The following RAD9A variants were observed in gnomAD, a reference collection of about 807,000 sequenced individuals.
The protein encoded by RAD9A is RAD9 checkpoint clamp component A, also known as cell cycle checkpoint control protein RAD9A.
RAD9A carries 25 observed loss-of-function variants against 41.2 expected under a neutral mutation model. The ratio of observed to expected loss-of-function variants is 0.61; its 90% CI spans 0.44 to 0.85. The LOEUF (loss-of-function observed/expected upper bound fraction) is 0.85, where lower values mean the gene tolerates loss of function less well. Among genes scored for constraint, RAD9A ranks in the 40% least tolerant of loss-of-function variants. The pLI, the probability that RAD9A is intolerant of heterozygous loss-of-function variation, is 0.00. For missense variants in RAD9A, 514 were observed against 518.3 expected (o/e 0.99, Z 0.08); for synonymous variants, 252 against 210.6 (o/e 1.20, Z -1.70).
intron 2 of RAD9A, 31 bp downstream of exon 2, chr11:67,392,262 G>GGGGCTGGGGGGGGGGGGGGGGGGGGC: frequency 1.7e-5 from 10 of 600,762 alleles, no homozygotes; most frequent in East Asian, 4.3e-5. Context: ...GGGCGGGTGG[G>GGGGCTGGGGGGGGGGGGGGGGGGGGC]ACTCCAGCCG....
At position 67,396,941 on chromosome 11, in the gene RAD9A, C is replaced by G. The variant is rs543783290; in HGVS notation, c.873-238C>G. The stretch of plus-strand genomic sequence containing the variant: ...CCCTCCTAGCTGAGCTAAGGTAGCC[C>G]CCGGGATGCCTCCCTCAGGCCCCTA... On this transcript the variant is annotated intron_variant, in intron 9 of 10. Coordinates refer to ENST00000307980, the MANE Select transcript of RAD9A (RefSeq NM_004584.3). 2.1e-4 allele frequency among the ~76,000 whole-genome samples: 32 copies of G among 152,318 alleles called. No individual in the cohort carries two copies. The East Asian group carries it at 6.2e-3, about 29-fold the overall frequency.
rs763727928 is a variant in RAD9A, at chr11:67,392,790, C to T, written c.234+8C>T. 6.2e-7 allele frequency: 1 copy of T among 1,613,704 alleles called. No homozygotes were observed. Among genetic ancestry groups the T allele is most frequent in the Non-Finnish European group, 8.5e-7 (1 of 1,179,872 alleles). ...TGTAAGATCCTGATGAAGGTGAGGC[C>T]CTTCCCTCAGCAGTGGCACTACTCC... On this transcript the variant is annotated splice_region_variant and intron_variant, in intron 3 of 10. Coordinates refer to ENST00000307980, the MANE Select transcript of RAD9A (RefSeq NM_004584.3).
At position 67,392,137 on chromosome 11, in the gene RAD9A, C is replaced by T. The variant is rs3764878; in HGVS notation, c.35-24C>T. The T allele has an allele frequency of 5.1e-4, 814 of 1,611,242 alleles. 4 individuals carry two copies. The East Asian group carries it at 0.016, about 32-fold the overall frequency. On this transcript the variant is annotated intron_variant, in intron 1 of 10. Coordinates refer to ENST00000307980, the MANE Select transcript of RAD9A (RefSeq NM_004584.3). ...GCAGCCGCGGAGCCGCCAGCCTAAC[C>T]CCCTTCCGCTCTTCTCCCCGCAGTG... is the stretch of plus-strand genomic sequence containing the variant.
rs886626261 is a variant in RAD9A, at chr11:67,392,063, G to C, written c.19G>C (p.Gly7Arg). 3 of 1,584,562 alleles carry C rather than the reference G, an allele frequency of 1.9e-6. No individual in the cohort carries two copies. The African/African-American group carries it at 4.0e-5, about 21-fold the overall frequency. Residue 7 changes from glycine (G) to arginine (R), a missense_variant, in exon 1 of 11, where the codon GGC becomes CGC. Gly to Arg is a moderately radical substitution (Grantham distance 125). This residue lies in a region of RAD9A where 268 missense variants were observed against 279.3 expected (regional missense o/e 0.96). Coordinates refer to ENST00000307980, the MANE Select transcript of RAD9A (RefSeq NM_004584.3). MKCLVT[G>R]GNVKVLGKAV... Reference sequence around the variant, plus strand: ...GGGCAGCATGAAGTGCCTGGTCACGGGCGGCAACGTGAAGGGTGAGTGCAG... The same window carrying C: ...GGGCAGCATGAAGTGCCTGGTCACGCGCGGCAACGTGAAGGGTGAGTGCAG...
Position 67,392,648 on chromosome 11 carries a change from G to A in RAD9A, c.106-6G>A. On this transcript the variant is annotated splice_polypyrimidine_tract_variant and splice_region_variant and intron_variant, in intron 2 of 10. Coordinates refer to ENST00000307980, the MANE Select transcript of RAD9A (RefSeq NM_004584.3). ...CACGTCCCTCTCCCTGCTCTTCGTG[G>A]CCCAGCTCTCCCTCCGGACGGTGAA... is the stretch of plus-strand genomic sequence containing the variant. 6.2e-7 allele frequency: 1 copy of A among 1,613,284 alleles called. No individual in the cohort carries two copies. Among genetic ancestry groups the A allele is most frequent in the Non-Finnish European group, 8.5e-7 (1 of 1,179,930 alleles).
rs1862754421 is a variant in RAD9A, at chr11:67,397,628, GTC to G, written c.*74_*75del. 1 of 1,379,628 alleles carries G rather than the reference GTC, an allele frequency of 7.2e-7. No individual in the cohort carries two copies. Among genetic ancestry groups the G allele is most frequent in the Admixed American group, 2.0e-5 (1 of 49,622 alleles). The allele number at this position is 1,379,628 out of a possible 1,614,324, so 85.5% of individuals were successfully genotyped here. ...AAGCCCCAGCCAGTGGCAGAACTGG[GTC>G]TCTCAGCCCTGGGGATCAGAAAGGT... On this transcript the variant is annotated 3_prime_UTR_variant, in exon 11 of 11. Coordinates refer to ENST00000307980, the MANE Select transcript of RAD9A (RefSeq NM_004584.3).
In RAD9A at chr11:67,397,574, G is replaced by A; in HGVS notation, c.*15G>A. 6.3e-7 allele frequency: 1 copy of A among 1,576,932 alleles called. No individual in the cohort carries two copies. Among genetic ancestry groups the A allele is most frequent in the Non-Finnish European group, 8.7e-7 (1 of 1,149,608 alleles). ...GTGAAGGCTGAACCAAGAACCTGAA[G>A]CCTGTACCCAGAGGCCTTGGACTAG... On this transcript the variant is annotated 3_prime_UTR_variant, in exon 11 of 11. Transcript: ENST00000307980.
rs910286356 is a variant in RAD9A at position 67,396,026 on chromosome 11, G to T, written c.669+5G>T. 6.2e-7 allele frequency: 1 copy of T among 1,614,002 alleles called. No individual in the cohort carries two copies. The highest frequency in any genetic ancestry group is 8.5e-7 in the Non-Finnish European group (1 of 1,180,012). On this transcript the variant is annotated splice_donor_5th_base_variant and intron_variant, in intron 7 of 10. Coordinates refer to ENST00000307980, the MANE Select transcript of RAD9A (RefSeq NM_004584.3). ...TTCTGCCTCAAGGAATTCCGGGTGA[G>T]GTTCCTCCCAGGCGCTCGCCGTCCT...
rs760250435 is a variant in RAD9A, at chr11:67,397,291, C to T, written c.985C>T (p.Pro329Ser). The T allele has an allele frequency of 7.2e-5, 115 of 1,603,462 alleles. No homozygotes were observed. The Admixed American group carries it at 1.0e-3, about 14-fold the overall frequency. Residue 329 changes from proline (P) to serine (S), a missense_variant, in exon 10 of 11, where the codon CCT (proline) becomes TCT (serine). This residue lies in a region of RAD9A where 216 missense variants were observed against 184.2 expected (regional missense o/e 1.17). Transcript: ENST00000307980. The stretch of plus-strand genomic sequence containing the variant: ...GGTGCTGCCCTCCATTTCCCTTTCA[C>T]CTGGCCCCCAGCCCCCCAAGAGCCC... The part of the protein sequence containing the change: ...SRVLPSISLS[P>S]GPQPPKSPGP...
chr11:67,397,503 C>T lies in RAD9A; in HGVS notation c.1120C>T (p.Arg374Cys), dbSNP rs767845989. The change falls in exon 11 of 11, where the codon CGC (arginine) becomes TGC (cysteine). Residue 374 changes from arginine (R) to cysteine (C), a missense_variant. Transcript: ENST00000307980. ...CTTCGGCTCCATCCTGGCCCCTGTA[C>T]GCTCCCCCCAGGGCCCCAGCCCTGT... Reference protein sequence around the residue: ...LFFGSILAPVRSPQGPSPVLA... With the variant: ...LFFGSILAPVCSPQGPSPVLA... 3.3e-5 allele frequency: 53 copies of T among 1,612,418 alleles called. No homozygotes were observed. In the Middle Eastern group the frequency reaches 7.0e-4, roughly 21 times the overall value.
intron 5 of RAD9A, among the ~76,000 whole-genome samples, chr11:67,394,234 C>G (rs540398271): frequency 6.6e-6 from 1 of 152,356 alleles, no homozygotes; most frequent in Admixed American, 6.5e-5. Flanking sequence ...CATTCAACGG[C>G]AGCCTCTTTT....
Position 67,398,207 on chromosome 11 carries a change from C to T in RAD9A, c.*648C>T. Reference sequence around the variant, plus strand: ...CGAGAATCCAGCTTTGACCTTTATTCAAGAGACCAGATGGGTTGCCCCAGG... The same window carrying T: ...CGAGAATCCAGCTTTGACCTTTATTTAAGAGACCAGATGGGTTGCCCCAGG... On this transcript the variant is annotated 3_prime_UTR_variant, in exon 11 of 11. Transcript: ENST00000307980. 2.7e-6 allele frequency: 1 copy of T among 373,234 alleles called. No individual in the cohort carries two copies. The highest frequency in any genetic ancestry group is 4.9e-6 in the Non-Finnish European group (1 of 203,700). The allele number at this position is 373,234 out of a possible 1,614,324, so 23.1% of individuals were successfully genotyped here. A position where few individuals can be genotyped will look rare whatever the true frequency, so the allele number is the denominator to read the frequency against.
intron 5 of RAD9A, 149 bp downstream of exon 5, chr11:67,393,939 A>G: frequency 2.8e-6 from 2 of 716,942 alleles, no homozygotes; most frequent in Non-Finnish European, 2.2e-6. Flanking sequence ...CTATGTGCTC[A>G]GGTCCTTACC....
rs1167451587 is a variant in RAD9A, at chr11:67,397,478, C to T, written c.1095C>T (p.Phe365=). The change falls in exon 11 of 11, where the codon TTC becomes TTT. Residue 365 remains phenylalanine, a synonymous_variant. Transcript: ENST00000307980. ...TPPPKKFRSL[F]FGSILAPVRS... is the part of the protein sequence containing the mutation. ...TCTCTTTCCAGTTCCGCTCACTGTT[C>T]TTCGGCTCCATCCTGGCCCCTGTAC... is the stretch of plus-strand genomic sequence containing the variant. 4 of 1,611,658 alleles carry T rather than the reference C, an allele frequency of 2.5e-6. No homozygotes were observed. The highest frequency in any genetic ancestry group is 1.3e-5 in the African/African-American group (1 of 74,834).
chr11:67,393,379 G>A (rs534790737), intron 3 of RAD9A, 117 bp from the exon 4 acceptor site: 23 of 1,475,406 alleles, frequency 1.6e-5, no homozygotes, highest in Middle Eastern at 2.1e-4. Context: ...CCGAGGTGAC[G>A]TGGGAGCCCT....
At position 67,397,595 on chromosome 11, in the gene RAD9A, A is replaced by G. The variant is rs1252434994; in HGVS notation, c.*36A>G. The G allele has an allele frequency of 1.3e-6, 2 of 1,527,070 alleles. No homozygotes were observed. Among genetic ancestry groups the G allele is most frequent in the Non-Finnish European group, 1.8e-6 (2 of 1,111,202 alleles). The allele number at this position is 1,527,070 out of a possible 1,614,324, so 94.6% of individuals were successfully genotyped here. A position where few individuals can be genotyped will look rare whatever the true frequency, so the allele number is the denominator to read the frequency against. On this transcript the variant is annotated 3_prime_UTR_variant, in exon 11 of 11. Transcript: ENST00000307980. Reference sequence around the variant, plus strand: ...TGAAGCCTGTACCCAGAGGCCTTGGACTAGACGAAGCCCCAGCCAGTGGCA... The same window carrying G: ...TGAAGCCTGTACCCAGAGGCCTTGGGCTAGACGAAGCCCCAGCCAGTGGCA...
rs1321428299 is a variant in RAD9A, at chr11:67,396,182, C to A, written c.734+7C>A. 4 of 1,613,714 alleles carry A rather than the reference C, an allele frequency of 2.5e-6. No homozygotes were observed. The highest frequency in any genetic ancestry group is 3.4e-6 in the Non-Finnish European group (4 of 1,179,718). On this transcript the variant is annotated splice_region_variant and intron_variant, in intron 8 of 10. Coordinates refer to ENST00000307980, the MANE Select transcript of RAD9A (RefSeq NM_004584.3). ...ATTTTGATGCTCCAGGCAGGTAGTT[C>A]CCAGCCTTGGGACAGGGAAGGGCTC...
intron 9 of RAD9A, 51 bp downstream of exon 9, chr11:67,396,451 G>C: frequency 6.3e-7 from 1 of 1,589,660 alleles, no homozygotes. Context: ...GTGCACTCCA[G>C]CCTGAGACTG....
chr11:67,398,384 A>G lies in RAD9A; in HGVS notation c.*825A>G. 1 of 769,460 alleles carries G rather than the reference A, an allele frequency of 1.3e-6. No individual in the cohort carries two copies. The highest frequency in any genetic ancestry group is 1.8e-5 in the South Asian group (1 of 54,148). The allele number at this position is 769,460 out of a possible 1,614,324, so 47.7% of individuals were successfully genotyped here. ...CCTGGGGGACTGGACGCTGCTATTG[A>G]TTCATTAAAAAAAGAAAAGAAAAAT... On this transcript the variant is annotated 3_prime_UTR_variant, in exon 11 of 11. Coordinates refer to ENST00000307980, the MANE Select transcript of RAD9A (RefSeq NM_004584.3).
Sources: gnomAD v4.1 joint callset for allele counts (sites outside exome capture counted in the v4.1 genomes callset) on GRCh38, gnomAD v4.1.1 for gene constraint, gnomAD v4.1.1 regional missense constraint, MANE v1.5 for transcripts, NCBI Gene and HGNC (gene_info 2026-07-23, HGNC 2026-07-21) for gene names.